The following VTCN1 variants were observed in gnomAD, a reference collection of about 807,000 sequenced individuals.
VTCN1 encodes the protein V-set domain containing T cell activation inhibitor 1, also known as V-set domain-containing T-cell activation inhibitor 1.
VTCN1 carries 26 observed loss-of-function variants against 26.5 expected under a neutral mutation model. The ratio of observed to expected loss-of-function variants is 0.98; its 90% CI spans 0.72 to 1.36. The LOEUF is 1.36. VTCN1 is among the 40% of genes most tolerant of loss of function. The probability of loss-of-function intolerance (pLI) is 0.00; values close to 1 mark genes in which losing one functional copy is unlikely to be tolerated. For missense variants in VTCN1, 298 were observed against 337.7 expected (o/e 0.88, Z 0.92); for synonymous variants, 116 against 130.7 (o/e 0.89, Z 0.77).
chr1:117,170,201 T>C (rs1243847984), intron 1 of VTCN1, 30 bp from the exon 2 acceptor site: 13 of 1,602,460 alleles, frequency 8.1e-6, no homozygotes, highest in Non-Finnish European at 1.1e-5. Context: ...AACAGAAAAT[T>C]AGTTCTCCAT....
chr1:117,148,802 A>G (rs1651646758), intron 4 of VTCN1, among the ~76,000 whole-genome samples: 1 of 152,154 alleles, frequency 6.6e-6, no homozygotes, highest in Non-Finnish European at 1.5e-5. Flanking sequence ...TTAATAGAGA[A>G]TGAGGCTTTG....
At chr1:117,202,924 G>C (rs1462983773) in intron 1 of VTCN1, among the ~76,000 whole-genome samples, 2 of 152,236 alleles carry the variant, frequency 1.3e-5, no homozygotes, top group African/African-American at 4.8e-5. Context: ...GTGGGGCTGA[G>C]AGAGAGTTTT....
chr1:117,183,653 CAA>C lies in VTCN1; in HGVS notation c.33-13484_33-13483del, dbSNP rs545293650. Among the ~76,000 whole-genome samples, 134 of 152,096 alleles carry C rather than the reference CAA, an allele frequency of 8.8e-4. No individual in the cohort carries two copies. The Middle Eastern group carries it at 0.01, about 12-fold the overall frequency. On this transcript the variant is annotated intron_variant, in intron 1 of 5. Coordinates refer to ENST00000369458, the MANE Select transcript of VTCN1 (RefSeq NM_024626.4). This position sits in a 1 kb window ranked among gnomAD's most constrained non-coding sequence, Gnocchi z 4.1. Reference sequence around the variant, plus strand: ...CCTCTTGGACATTTCTCTCCACAAACAAGGGGCAAAATAGAAGTGTTTCTCTA... The same window carrying C: ...CCTCTTGGACATTTCTCTCCACAAACGGGGCAAAATAGAAGTGTTTCTCTA...
intron 4 of VTCN1, among the ~76,000 whole-genome samples, chr1:117,151,837 T>C (rs1651818165): frequency 6.6e-6 from 1 of 152,216 alleles, no homozygotes; most frequent in African/African-American, 2.4e-5. Context: ...TTCCAATTTT[T>C]CCGCATCCTC....
intron 1 of VTCN1, chr1:117,203,504 G>T: frequency 3.1e-6 from 2 of 646,698 alleles, no homozygotes; most frequent in South Asian, 6.8e-5. Context: ...CGCTGTGCTG[G>T]CAGCAGCAGG....
intron 4 of VTCN1, among the ~76,000 whole-genome samples, chr1:117,149,925 G>A (rs890126703): frequency 2.6e-5 from 4 of 152,146 alleles, no homozygotes; most frequent in Admixed American, 1.3e-4. Flanking sequence ...CTGACACTTC[G>A]AACACTTGTT....
chr1:117,161,534 T>A lies in VTCN1; in HGVS notation c.98-4613A>T. 6.6e-6 allele frequency among the ~76,000 whole-genome samples: 1 copy of A among 152,228 alleles called. No individual in the cohort carries two copies. The highest frequency in any genetic ancestry group is 1.9e-4 in the East Asian group (1 of 5,206). ...TCTCTGGAACTAGTTTGTGAGCTTT[T>A]CAAGAGCAGAAACTGTCTTAATCCT... On this transcript the variant is annotated intron_variant, in intron 2 of 5. Transcript: ENST00000369458. This position sits in a 1 kb window ranked among gnomAD's most constrained non-coding sequence, Gnocchi z 4.3.
At chr1:117,198,879 G>C (rs573247497) in intron 1 of VTCN1, among the ~76,000 whole-genome samples, 2 of 152,306 alleles carry the variant, frequency 1.3e-5, no homozygotes, top group Admixed American at 1.3e-4. Context: ...CCAATGTGGG[G>C]CAAGGTTAGT....
At chr1:117,194,620 G>A (rs371607827) in intron 1 of VTCN1, among the ~76,000 whole-genome samples, 2 of 152,290 alleles carry the variant, frequency 1.3e-5, no homozygotes, top group Admixed American at 6.5e-5. Context: ...GAAACAAACT[G>A]TGTCTATCAA....
At chr1:117,164,455 C>T (rs1046256974) in intron 2 of VTCN1, among the ~76,000 whole-genome samples, 1 of 152,072 alleles carries the variant, frequency 6.6e-6, no homozygotes, top group Non-Finnish European at 1.5e-5. Flanking sequence ...TCAAAGGAGG[C>T]CTTTCCTGGT....
chr1:117,195,482 A>G (rs1359065557), intron 1 of VTCN1, among the ~76,000 whole-genome samples: 1 of 152,042 alleles, frequency 6.6e-6, no homozygotes, highest in African/African-American at 2.4e-5. Context: ...AATTTTTGTC[A>G]ATTATACCTC....
rs944919770 is a variant in VTCN1, at chr1:117,153,436, A to G, written c.446-67T>C. 4.0e-6 allele frequency: 6 copies of G among 1,506,672 alleles called. No individual in the cohort carries two copies. In the African/African-American group the frequency reaches 8.4e-5, roughly 21 times the overall value. 93.3% of individuals were successfully genotyped at this position (1,506,672 alleles called of 1,614,324 possible). A position where few individuals can be genotyped will look rare whatever the true frequency, so the allele number is the denominator to read the frequency against. On this transcript the variant is annotated intron_variant, in intron 3 of 5. Coordinates refer to ENST00000369458, the MANE Select transcript of VTCN1 (RefSeq NM_024626.4). Reference sequence around the variant, plus strand: ...ACACGTAAGACAATATAGCCTTTGAAGCGCTAGGCCTTAAAAATGCAGTCA... The same window carrying G: ...ACACGTAAGACAATATAGCCTTTGAGGCGCTAGGCCTTAAAAATGCAGTCA...
At chr1:117,180,811 C>A (rs1292198123) in intron 1 of VTCN1, among the ~76,000 whole-genome samples, 1 of 152,246 alleles carries the variant, frequency 6.6e-6, no homozygotes, top group African/African-American at 2.4e-5. Flanking sequence ...CTTCTGCTCA[C>A]CTCTCCTCCT....
intron 1 of VTCN1, among the ~76,000 whole-genome samples, chr1:117,204,045 C>T (rs953783049): frequency 2.0e-5 from 3 of 152,158 alleles, no homozygotes; most frequent in African/African-American, 4.8e-5. Flanking sequence ...ACTAGAAAGA[C>T]GATGTCTGAG....
chr1:117,191,304 C>A (rs1328021386), intron 1 of VTCN1, among the ~76,000 whole-genome samples: 1 of 152,102 alleles, frequency 6.6e-6, no homozygotes, highest in Non-Finnish European at 1.5e-5. Context: ...TCAAATATAT[C>A]CATTATGGGA....
chr1:117,190,660 C>A (rs1648200655), intron 1 of VTCN1, among the ~76,000 whole-genome samples: 1 of 152,194 alleles, frequency 6.6e-6, no homozygotes, highest in African/African-American at 2.4e-5. Context: ...AATGGGCCCA[C>A]CAACAGTGGA....
At chr1:117,199,257 T>A (rs563217041) in intron 1 of VTCN1, among the ~76,000 whole-genome samples, 2 of 152,254 alleles carry the variant, frequency 1.3e-5, no homozygotes, top group Non-Finnish European at 2.9e-5. Context: ...AATCCTTTAA[T>A]ATGCTAATAT....
chr1:117,148,368 G>A (rs990277300), intron 4 of VTCN1, among the ~76,000 whole-genome samples: 1 of 152,082 alleles, frequency 6.6e-6, no homozygotes, highest in African/African-American at 2.4e-5. Context: ...TATAAATAGG[G>A]CTAGAATACT....
chr1:117,163,087 T>G (rs748550934), intron 2 of VTCN1, among the ~76,000 whole-genome samples: 9 of 152,094 alleles, frequency 5.9e-5, no homozygotes, highest in Non-Finnish European at 1.3e-4. Flanking sequence ...AACCTTGGGG[T>G]CAAACCTGTG....
Sources: allele counts gnomAD v4.1 joint callset (sites outside exome capture counted in the v4.1 genomes callset), GRCh38; gene constraint gnomAD v4.1.1; non-coding constraint Gnocchi (gnomAD v3.1); transcripts MANE v1.5; gene names NCBI Gene and HGNC (gene_info 2026-07-23, HGNC 2026-07-21).